The following ZNF385D variants were observed in gnomAD, a reference collection of about 807,000 sequenced individuals.
The protein encoded by ZNF385D is zinc finger protein 659.
Under a neutral mutation model 35.8 loss-of-function variants are expected in ZNF385D, and 15 were observed. The observed-to-expected ratio is 0.42, with a 90% CI of 0.28 to 0.64. The LOEUF (loss-of-function observed/expected upper bound fraction) is 0.64. ZNF385D is among the 30% of genes least tolerant of loss of function. The probability of loss-of-function intolerance (pLI) is 0.23; values close to 1 mark genes in which losing one functional copy is unlikely to be tolerated. For synonymous variants in ZNF385D, 212 were observed against 186.8 expected (o/e 1.13, Z -1.10); for missense variants, 474 against 494.6 (o/e 0.96, Z 0.39).
intron 3 of ZNF385D, among the ~76,000 whole-genome samples, chr3:21,839,840 A>C (rs1388338870): frequency 1.3e-5 from 2 of 151,996 alleles, no homozygotes; most frequent in African/African-American, 4.8e-5. Context: ...ACTGGCCAGA[A>C]CTGATCTCCA....
intron 3 of ZNF385D, among the ~76,000 whole-genome samples, chr3:21,778,608 G>A (rs75853460): frequency 0.079 from 12,011 of 151,888 alleles, 655 homozygotes; most frequent in South Asian, 0.15. Flanking sequence ...ATATATACCT[G>A]TCTCAACTGA....
chr3:22,066,475 T>TGGGG (rs370204063), intron 3 of ZNF385D, among the ~76,000 whole-genome samples: 6 of 146,142 alleles, frequency 4.1e-5, no homozygotes, highest in Admixed American at 3.5e-4. Flanking sequence ...TGTGTGTGTG[T>TGGGG]GTGTGTGTGT....
At chr3:22,135,143 T>C (rs1704030476) in intron 3 of ZNF385D, among the ~76,000 whole-genome samples, 1 of 152,070 alleles carries the variant, frequency 6.6e-6, no homozygotes, top group Non-Finnish European at 1.5e-5. Context: ...CTAGTCAGTA[T>C]AAAGAAGCAA....
At chr3:22,082,138 G>A (rs749221617) in intron 3 of ZNF385D, among the ~76,000 whole-genome samples, 8 of 152,108 alleles carry the variant, frequency 5.3e-5, no homozygotes, top group East Asian at 3.9e-4. Flanking sequence ...AGTGATTGAC[G>A]CAGCAGATGG....
chr3:21,653,513 A>T (rs1249869441), intron 2 of ZNF385D, among the ~76,000 whole-genome samples: 1 of 152,140 alleles, frequency 6.6e-6, no homozygotes, highest in Non-Finnish European at 1.5e-5. Flanking sequence ...ATACATATAC[A>T]TAGGTATATA....
At chr3:21,518,968 A>T (rs1054578001) in intron 3 of ZNF385D, among the ~76,000 whole-genome samples, 1 of 152,200 alleles carries the variant, frequency 6.6e-6, no homozygotes, top group Non-Finnish European at 1.5e-5. Flanking sequence ...ATGAATAAAA[A>T]TGAATATTCA....
At chr3:21,734,782 G>A (rs2069170257) in intron 1 of ZNF385D, among the ~76,000 whole-genome samples, 1 of 152,148 alleles carries the variant, frequency 6.6e-6, no homozygotes, top group Admixed American at 6.5e-5. Context: ...GTGTCTCTGT[G>A]TTGTGGGATT....
chr3:21,690,845 T>C (rs2067258919), intron 1 of ZNF385D, among the ~76,000 whole-genome samples: 1 of 152,192 alleles, frequency 6.6e-6, no homozygotes. Flanking sequence ...ACATTAAAGT[T>C]TGGGACCACG....
chr3:21,456,809 G>T (rs1185423680), intron 4 of ZNF385D, among the ~76,000 whole-genome samples: 1 of 152,078 alleles, frequency 6.6e-6, no homozygotes, highest in African/African-American at 2.4e-5. Context: ...CTTTTCCCCA[G>T]ATAGCCAGAT....
chr3:21,843,431 T>C (rs1695805991), intron 3 of ZNF385D, among the ~76,000 whole-genome samples: 1 of 151,972 alleles, frequency 6.6e-6, no homozygotes, highest in South Asian at 2.1e-4. Flanking sequence ...TGCGAGCCTG[T>C]TGTCCACTTT....
chr3:22,232,000 G>A (rs1487349233), intron 2 of ZNF385D, among the ~76,000 whole-genome samples: 1 of 152,010 alleles, frequency 6.6e-6, no homozygotes, highest in Non-Finnish European at 1.5e-5. Flanking sequence ...TAAGTTTCCT[G>A]AGGCCCCCCA....
chr3:22,273,633 TC>T (rs1281673015), intron 2 of ZNF385D, among the ~76,000 whole-genome samples: 36 of 152,112 alleles, frequency 2.4e-4, no homozygotes, highest in African/African-American at 8.7e-4. Context: ...AAATCATGAT[TC>T]TCATACAGAT....
chr3:21,906,496 G>A (rs746381209), intron 3 of ZNF385D, among the ~76,000 whole-genome samples: 4 of 152,086 alleles, frequency 2.6e-5, no homozygotes, highest in East Asian at 3.9e-4. Flanking sequence ...CTGAAAGAAC[G>A]GAGAACTTTC....
chr3:21,438,437 C>T (rs573984248), intron 4 of ZNF385D, among the ~76,000 whole-genome samples: 1 of 152,250 alleles, frequency 6.6e-6, no homozygotes, highest in Non-Finnish European at 1.5e-5. Flanking sequence ...TGCATAAATG[C>T]TTACTTCTTG....
At chr3:21,964,657 T>C (rs1321232297) in intron 3 of ZNF385D, among the ~76,000 whole-genome samples, 1 of 151,438 alleles carries the variant, frequency 6.6e-6, no homozygotes. Flanking sequence ...GCCCTGCTAA[T>C]TTTTTTGTAT....
chr3:22,001,503 A>G (rs1695844724), intron 3 of ZNF385D, among the ~76,000 whole-genome samples: 1 of 152,162 alleles, frequency 6.6e-6, no homozygotes, highest in African/African-American at 2.4e-5. Context: ...ATTACTGGAT[A>G]TAAAGAGAGA....
At chr3:22,094,121 T>C (rs1701473928) in intron 3 of ZNF385D, among the ~76,000 whole-genome samples, 1 of 152,040 alleles carries the variant, frequency 6.6e-6, no homozygotes, top group Admixed American at 6.6e-5. Flanking sequence ...TGTTTAAAAA[T>C]ACGTGTCATT....
At chr3:21,813,512 C>G (rs1575698785) in intron 3 of ZNF385D, among the ~76,000 whole-genome samples, 1 of 152,100 alleles carries the variant, frequency 6.6e-6, no homozygotes, top group Admixed American at 6.6e-5. Flanking sequence ...CTTAAATGAC[C>G]TGATGGAGCT....
At chr3:22,166,181 T>C (rs980952450) in intron 3 of ZNF385D, among the ~76,000 whole-genome samples, 1 of 152,160 alleles carries the variant, frequency 6.6e-6, no homozygotes, top group Admixed American at 6.5e-5. Context: ...TTTCGTGGCC[T>C]ACATCATGTT....
Sources: gnomAD v4.1 joint callset for allele counts (sites outside exome capture counted in the v4.1 genomes callset) on GRCh38, gnomAD v4.1.1 for gene constraint, MANE v1.5 for transcripts, NCBI Gene and HGNC (gene_info 2026-07-23, HGNC 2026-07-21) for gene names.